The following CSMD1 variants were observed in gnomAD, a reference collection of about 807,000 sequenced individuals.
CSMD1 encodes the protein CUB and sushi domain-containing protein 1.
In CSMD1, 213 loss-of-function variants were observed where a neutral mutation model predicts 417.5. The ratio of observed to expected loss-of-function variants is 0.51; its 90% CI spans 0.46 to 0.57. The LOEUF is 0.57. Ranked by LOEUF, CSMD1 falls within the 20% of genes least tolerant of loss-of-function variation. CSMD1 has a pLI of 0.00. For missense variants in CSMD1, 6,923 were observed against 4,529.7 expected, an observed-to-expected ratio of 1.53 and a Z score of -15.17; for synonymous variants, 2,862 against 1,736.8, an observed-to-expected ratio of 1.65 and a Z score of -16.11.
At chr8:4,318,095 G>GT (rs745572532) in intron 3 of CSMD1, among the ~76,000 whole-genome samples, 3 of 152,100 alleles carry the variant, frequency 2.0e-5, no homozygotes, top group Admixed American at 6.6e-5. Flanking sequence ...TAGCCTGTCT[G>GT]TAAAGCTGTA....
chr8:4,825,341 G>A (rs1389480604), intron 1 of CSMD1, among the ~76,000 whole-genome samples: 1 of 152,060 alleles, frequency 6.6e-6, no homozygotes, highest in East Asian at 1.9e-4. Flanking sequence ...ATTTTCTTGT[G>A]TGCGGTAAGA....
intron 41 of CSMD1, among the ~76,000 whole-genome samples, chr8:3,137,563 C>T (rs2129029398): frequency 6.6e-6 from 1 of 152,258 alleles, no homozygotes; most frequent in Admixed American, 6.5e-5. Context: ...TACAGTTGTC[C>T]CTTGGCTTTT....
intron 5 of CSMD1, among the ~76,000 whole-genome samples, chr8:3,988,521 G>C (rs1305677675): frequency 6.6e-6 from 1 of 152,198 alleles, no homozygotes; most frequent in Non-Finnish European, 1.5e-5. Flanking sequence ...ACGATTGTCA[G>C]AAACAGAGAA....
intron 41 of CSMD1, among the ~76,000 whole-genome samples, chr8:3,122,067 C>G (rs754547182): frequency 1.3e-5 from 2 of 151,780 alleles, no homozygotes; most frequent in Non-Finnish European, 2.9e-5. Flanking sequence ...TAATGTATAT[C>G]GATAATATGA....
At chr8:3,687,802 T>C (rs867944062) in intron 7 of CSMD1, among the ~76,000 whole-genome samples, 1 of 152,208 alleles carries the variant, frequency 6.6e-6, no homozygotes, top group Non-Finnish European at 1.5e-5. Flanking sequence ...TTGCTCCACT[T>C]AAGTCTCTCT....
Position 3,369,381 on chromosome 8 carries a change from TAAAG to T in CSMD1, c.2783-15_2783-12del. 2.3e-6 allele frequency: 3 copies of T among 1,293,522 alleles called. No homozygotes were observed. Among genetic ancestry groups the T allele is most frequent in the Non-Finnish European group, 3.4e-6 (3 of 894,806 alleles). The allele number at this position is 1,293,522 out of a possible 1,614,324, so 80.1% of individuals were successfully genotyped here. On this transcript the variant is annotated splice_polypyrimidine_tract_variant and intron_variant, in intron 18 of 69. Coordinates refer to ENST00000635120, the MANE Select transcript of CSMD1 (RefSeq NM_033225.6). The stretch of plus-strand genomic sequence containing the variant: ...AGCCTCCACATAGAGCTTAAAATAA[TAAAG>T]AGAGATGATTACAGCACTAAAGTTT...
At chr8:3,491,903 T>G (rs1024579632) in intron 11 of CSMD1, among the ~76,000 whole-genome samples, 1 of 151,726 alleles carries the variant, frequency 6.6e-6, no homozygotes, top group East Asian at 2.0e-4. Flanking sequence ...AGAATGAGAG[T>G]TTAAAAGGCG....
At chr8:3,468,048 T>A (rs940006507) in intron 12 of CSMD1, among the ~76,000 whole-genome samples, 1 of 152,184 alleles carries the variant, frequency 6.6e-6, no homozygotes, top group African/African-American at 2.4e-5. Flanking sequence ...AATAAGATAT[T>A]TTAAAAACTA....
intron 12 of CSMD1, among the ~76,000 whole-genome samples, chr8:3,442,560 G>A (rs773904910): frequency 2.0e-5 from 3 of 152,132 alleles, no homozygotes; most frequent in South Asian, 2.1e-4. Flanking sequence ...TACAGGTTTG[G>A]AGCCTAGGAA....
intron 4 of CSMD1, among the ~76,000 whole-genome samples, chr8:4,028,163 A>G (rs1797159989): frequency 6.6e-6 from 1 of 152,218 alleles, no homozygotes; most frequent in African/African-American, 2.4e-5. Flanking sequence ...AGAAAAAATA[A>G]TGGGCATCTA....
intron 26 of CSMD1, among the ~76,000 whole-genome samples, chr8:3,280,517 A>C (rs549498361): frequency 6.6e-6 from 1 of 152,156 alleles, no homozygotes; most frequent in East Asian, 1.9e-4. Context: ...CTCAGAGTCA[A>C]TGTTATATTC....
chr8:4,627,602 T>C (rs1802194246), intron 2 of CSMD1, among the ~76,000 whole-genome samples: 1 of 152,160 alleles, frequency 6.6e-6, no homozygotes, highest in South Asian at 2.1e-4. Context: ...TGTCTACTAC[T>C]GTGGAAAACT....
intron 2 of CSMD1, among the ~76,000 whole-genome samples, chr8:4,456,688 C>G (rs565283605): frequency 2.0e-5 from 3 of 152,222 alleles, no homozygotes; most frequent in Non-Finnish European, 2.9e-5. Flanking sequence ...TGGATGCTGG[C>G]TCTGGTGGAA....
At chr8:4,905,177 G>GA (rs966714988) in intron 1 of CSMD1, among the ~76,000 whole-genome samples, 32 of 150,710 alleles carry the variant, frequency 2.1e-4, no homozygotes, top group Non-Finnish European at 3.4e-4. Context: ...ACACATCTCT[G>GA]AAAAAAAAAG....
At chr8:4,397,591 G>A (rs1358692621) in intron 3 of CSMD1, among the ~76,000 whole-genome samples, 3 of 129,014 alleles carry the variant, frequency 2.3e-5, no homozygotes, top group East Asian at 2.4e-4. Context: ...CCACAGTGCA[G>A]CACCTGAGAT....
chr8:4,438,021 C>T (rs185294510), intron 2 of CSMD1, among the ~76,000 whole-genome samples: 7 of 152,224 alleles, frequency 4.6e-5, no homozygotes, highest in African/African-American at 1.7e-4. Context: ...TAAAAGGGGG[C>T]ATGGAATACT....
chr8:3,439,309 A>ATATATATATATATAT, intron 12 of CSMD1, among the ~76,000 whole-genome samples: 38 of 62,432 alleles, frequency 6.1e-4, no homozygotes, highest in Non-Finnish European at 8.6e-4. Context: ...ATATATATAT[A>ATATATATATATATAT]TTTTTTTTTT....
intron 1 of CSMD1, among the ~76,000 whole-genome samples, chr8:4,908,389 T>A (rs1805438998): frequency 6.6e-6 from 1 of 152,226 alleles, no homozygotes. Flanking sequence ...TTCTGTAGTT[T>A]AGTGTCTATC....
intron 6 of CSMD1, among the ~76,000 whole-genome samples, chr8:3,713,192 T>A (rs9644350): frequency 0.05 from 7,577 of 152,244 alleles, 228 homozygotes; most frequent in Middle Eastern, 0.071. Flanking sequence ...AAGGGATACA[T>A]TAATTTTGTT....
Sources: gnomAD v4.1 joint callset for allele counts (sites outside exome capture counted in the v4.1 genomes callset) on GRCh38, gnomAD v4.1.1 for gene constraint, MANE v1.5 for transcripts, NCBI Gene and HGNC (gene_info 2026-07-23, HGNC 2026-07-21) for gene names.